Variants in LMTK2 observed in about 807,000 individuals in gnomAD.
The protein encoded by LMTK2 is lemur tail kinase 2, also known as serine/threonine-protein kinase LMTK2.
Under a neutral mutation model 127.5 loss-of-function variants are expected in LMTK2, and 37 were observed. That is an observed-to-expected ratio of 0.29 (90% confidence interval 0.22 to 0.38). LMTK2 has a LOEUF of 0.38. LMTK2 is among the 10% of genes least tolerant of loss of function. The pLI, the probability that LMTK2 is intolerant of heterozygous loss-of-function variation, is 1.00. For missense variants in LMTK2, 1,694 were observed against 1,920.3 expected, an observed-to-expected ratio of 0.88 and a Z score of 2.20; for synonymous variants, 819 against 810.1, an observed-to-expected ratio of 1.01 and a Z score of -0.19.
intron 1 of LMTK2, among the ~76,000 whole-genome samples, chr7:98,130,635 T>C (rs145163195): frequency 1.8e-3 from 271 of 152,208 alleles, no homozygotes; most frequent in Non-Finnish European, 2.8e-3. Flanking sequence ...GTGACTGCTG[T>C]CCTTATATAT....
At chr7:98,120,754 G>A (rs185771726) in intron 1 of LMTK2, among the ~76,000 whole-genome samples, 340 of 152,196 alleles carry the variant, frequency 2.2e-3, no homozygotes, top group Admixed American at 5.4e-3. Flanking sequence ...GTCAGTTACT[G>A]AGCAGAGCCC....
At chr7:98,117,226 C>T (rs1410519311) in intron 1 of LMTK2, among the ~76,000 whole-genome samples, 2 of 152,158 alleles carry the variant, frequency 1.3e-5, no homozygotes, top group African/African-American at 2.4e-5. Context: ...TGAAGAGACT[C>T]GCGTATTCTC....
chr7:98,140,131 TTTCTTTC>T lies in LMTK2; in HGVS notation c.232-1263_232-1257del, dbSNP rs1449207341. ...CTTTCTTTCTTTCTTTCTTTCTTTCTTTCTTTCTTTCTTTTCTTTTCTTTTCTTTTCT... is the reference window on the plus strand; with the variant it reads ...CTTTCTTTCTTTCTTTCTTTCTTTCTTTTCTTTTCTTTTCTTTTCTTTTCT... On this transcript the variant is annotated intron_variant, in intron 2 of 13. Coordinates refer to ENST00000297293, the MANE Select transcript of LMTK2 (RefSeq NM_014916.4). Among the ~76,000 whole-genome samples, 70 of 10,680 alleles carry T rather than the reference TTTCTTTC, an allele frequency of 6.6e-3. 2 individuals are homozygous for T. Among genetic ancestry groups the T allele is most frequent in the Non-Finnish European group, 7.8e-3 (44 of 5,642 alleles). The allele number at this position is 10,680 out of a possible 152,430, so 7.0% of individuals were successfully genotyped here. A position where few individuals can be genotyped will look rare whatever the true frequency, so the allele number is the denominator to read the frequency against.
At chr7:98,153,552 C>T (rs1274333670) in intron 4 of LMTK2, among the ~76,000 whole-genome samples, 1 of 152,178 alleles carries the variant, frequency 6.6e-6, no homozygotes, top group Non-Finnish European at 1.5e-5. Flanking sequence ...TGCATTTAGA[C>T]AACCCTCTTG....
chr7:98,204,236 G>GCCC, intron 13 of LMTK2, 50 bp downstream of exon 13: 1 of 759,158 alleles, frequency 1.3e-6, no homozygotes, highest in Non-Finnish European at 2.3e-6. Context: ...CGGGGGTGGG[G>GCCC]CGCTGCAGCT....
chr7:98,165,916 G>T (rs1797090554), intron 6 of LMTK2, among the ~76,000 whole-genome samples: 1 of 152,126 alleles, frequency 6.6e-6, no homozygotes, highest in Non-Finnish European at 1.5e-5. Flanking sequence ...CAGCAGAGGG[G>T]AGGCCTGTGC....
At position 98,207,674 on chromosome 7, in the gene LMTK2, G is replaced by A. The variant is rs1190750184; in HGVS notation, c.*2182G>A. The A allele has an allele frequency of 6.6e-6, 1 of 152,114 alleles. No homozygotes were observed. The highest frequency in any genetic ancestry group is 1.5e-5 in the Non-Finnish European group (1 of 68,026). The allele number at this position is 152,114 out of a possible 1,614,324, so 9.4% of individuals were successfully genotyped here. On this transcript the variant is annotated 3_prime_UTR_variant, in exon 14 of 14. Coordinates refer to ENST00000297293, the MANE Select transcript of LMTK2 (RefSeq NM_014916.4). Reference sequence around the variant, plus strand: ...GATTATACTACTTTTTCAATTGCAGGTTTAAGGAGTTCAGATTTAATGACC... The same window carrying A: ...GATTATACTACTTTTTCAATTGCAGATTTAAGGAGTTCAGATTTAATGACC...
Position 98,192,796 on chromosome 7 carries a change from G to C in LMTK2, c.2331G>C (p.Lys777Asn). 5.6e-6 allele frequency: 9 copies of C among 1,613,914 alleles called. No individual in the cohort carries two copies. The highest frequency in any genetic ancestry group is 7.6e-6 in the Non-Finnish European group (9 of 1,179,866). Residue 777 changes from lysine (K) to asparagine (N), a missense_variant, in exon 11 of 14, where the codon AAG becomes AAC. By Grantham distance (94) the Lys-to-Asn change is moderately conservative. Transcript: ENST00000297293. ...LDTELQFAEN[K>N]PGLSLLQENV... The stretch of plus-strand genomic sequence containing the variant: ...CTGAGCTTCAGTTTGCTGAAAATAA[G>C]CCAGGCTTGTCTTTGTTGCAGGAAA...
chr7:98,136,565 C>G (rs959905857), intron 1 of LMTK2, among the ~76,000 whole-genome samples: 1 of 152,194 alleles, frequency 6.6e-6, no homozygotes, highest in Admixed American at 6.5e-5. Context: ...TGTGGGCCAG[C>G]ATTGCTTTCG....
intron 11 of LMTK2, among the ~76,000 whole-genome samples, chr7:98,202,935 C>G (rs565329084): frequency 2.0e-5 from 3 of 152,144 alleles, no homozygotes; most frequent in Admixed American, 1.3e-4. Context: ...TGCAATCGCA[C>G]GCGCATCTGG....
intron 1 of LMTK2, among the ~76,000 whole-genome samples, chr7:98,122,175 A>G (rs1235796483): frequency 6.6e-6 from 1 of 152,082 alleles, no homozygotes; most frequent in Admixed American, 6.5e-5. Context: ...CCATTGATTT[A>G]TATGCTTTTG....
intron 1 of LMTK2, among the ~76,000 whole-genome samples, chr7:98,109,610 G>T (rs1274188181): frequency 6.6e-6 from 1 of 151,998 alleles, no homozygotes; most frequent in Non-Finnish European, 1.5e-5. Flanking sequence ...CGTGCGTGGT[G>T]GTGGGAGCCT....
chr7:98,126,781 T>C (rs1439116529), intron 1 of LMTK2: 1 of 152,260 alleles, frequency 6.6e-6, no homozygotes, highest in Non-Finnish European at 1.5e-5. Context: ...ACTCAAATTA[T>C]ATAACCTTTC....
rs866749758 is a variant in LMTK2, at chr7:98,192,957, C to T, written c.2492C>T (p.Pro831Leu). 3 of 1,614,156 alleles carry T rather than the reference C, an allele frequency of 1.9e-6. No individual in the cohort carries two copies. The highest frequency in any genetic ancestry group is 2.5e-6 in the Non-Finnish European group (3 of 1,180,040). The change falls in exon 11 of 14, where the codon CCA becomes CTA. Residue 831 changes from proline (P) to leucine (L), a missense_variant. Around this residue, in one of 8 missense-constraint regions of LMTK2, gnomAD observed 527 missense variants for 539.8 expected, o/e 0.98. Transcript: ENST00000297293. Reference sequence around the variant, plus strand: ...GAAGAAACGCCCCGTCGGGTACCCCCAGACTCACTCCCAACACAGGGAGAA... The same window carrying T: ...GAAGAAACGCCCCGTCGGGTACCCCTAGACTCACTCCCAACACAGGGAGAA... ...ETEETPRRVP[P>L]DSLPTQGETQ...
chr7:98,155,077 A>G (rs1222884842), intron 5 of LMTK2, among the ~76,000 whole-genome samples: 2 of 152,232 alleles, frequency 1.3e-5, no homozygotes, highest in African/African-American at 4.8e-5. Context: ...TAAACCAGAA[A>G]AGACAACAGA....
rs775679550 is a variant in LMTK2, at chr7:98,159,418, G to C, written c.650G>C (p.Cys217Ser). ...AIPYLLVFEF[C>S]DLGDLKAYLR... ...CCCTACCTCCTGGTGTTTGAGTTCT[G>C]TGACTTGGTAAGTTCCTTGAAGGAA... Residue 217 changes from cysteine (C) to serine (S), a missense_variant, in exon 6 of 14, where the codon TGT becomes TCT. Physicochemically the swap from Cys to Ser is moderately radical, Grantham distance 112. Around this residue, in one of 8 missense-constraint regions of LMTK2, gnomAD observed 203 missense variants for 226.2 expected, o/e 0.90. Transcript: ENST00000297293. 1 of 1,605,412 alleles carries C rather than the reference G, an allele frequency of 6.2e-7. No individual in the cohort carries two copies. Among genetic ancestry groups the C allele is most frequent in the South Asian group, 1.1e-5 (1 of 90,756 alleles).
rs774465831 is a variant in LMTK2, at chr7:98,207,365, C to T, written c.*1873C>T. ...CCTTCATTGCCAGTTCCACCCTACT[C>T]CTCTCATTTTTTATACTAAGCAATA... is the stretch of plus-strand genomic sequence containing the variant. On this transcript the variant is annotated 3_prime_UTR_variant, in exon 14 of 14. Transcript: ENST00000297293. 4 of 152,150 alleles carry T rather than the reference C, an allele frequency of 2.6e-5. No individual in the cohort carries two copies. The highest frequency in any genetic ancestry group is 7.2e-5 in the African/African-American group (3 of 41,426). 9.4% of individuals were successfully genotyped at this position (152,150 alleles called of 1,614,324 possible).
chr7:98,120,782 A>G (rs961156798), intron 1 of LMTK2, among the ~76,000 whole-genome samples: 4 of 152,128 alleles, frequency 2.6e-5, no homozygotes, highest in African/African-American at 9.7e-5. Flanking sequence ...CTCTTACCTC[A>G]GACTGTTATT....
Position 98,193,249 on chromosome 7 carries a change from A to C in LMTK2, c.2784A>C (p.Lys928Asn). The C allele has an allele frequency of 6.2e-7, 1 of 1,613,710 alleles. No individual in the cohort carries two copies. The highest frequency in any genetic ancestry group is 8.5e-7 in the Non-Finnish European group (1 of 1,180,024). Reference sequence around the variant, plus strand: ...AACTGGGACAGGAATTGCACAATAAACCATTTTCGGAAGACCATCACAGTC... The same window carrying C: ...AACTGGGACAGGAATTGCACAATAACCCATTTTCGGAAGACCATCACAGTC... Reference protein sequence around the residue: ...LPELGQELHNKPFSEDHHSHR... With the variant: ...LPELGQELHNNPFSEDHHSHR... Residue 928 changes from lysine (K) to asparagine (N), a missense_variant, in exon 11 of 14, where the codon AAA (lysine) becomes AAC (asparagine). Around this residue, in one of 8 missense-constraint regions of LMTK2, gnomAD observed 527 missense variants for 539.8 expected, o/e 0.98. Transcript: ENST00000297293. This position sits in a 1 kb window ranked among gnomAD's most constrained non-coding sequence, Gnocchi z 4.1.
Sources: gnomAD v4.1 joint callset for allele counts (sites outside exome capture counted in the v4.1 genomes callset) on GRCh38, gnomAD v4.1.1 for gene constraint, gnomAD v4.1.1 regional missense constraint, Gnocchi (gnomAD v3.1) non-coding constraint, MANE v1.5 for transcripts, NCBI Gene and HGNC (gene_info 2026-07-23, HGNC 2026-07-21) for gene names.